CCDC90B: variants seen among roughly 807,000 people sequenced by gnomAD.
CCDC90B encodes the protein coiled-coil domain containing 90B.
Under a neutral mutation model 37.0 loss-of-function variants are expected in CCDC90B, and 24 were observed. The observed-to-expected ratio is 0.65, with a 90% confidence interval of 0.47 to 0.91. CCDC90B has a LOEUF of 0.91. Ranked by LOEUF, CCDC90B falls within the 40% of genes least tolerant of loss-of-function variation. The pLI, the probability that CCDC90B is intolerant of heterozygous loss-of-function variation, is 0.00. For missense variants in CCDC90B, 319 were observed against 299.0 expected (o/e 1.07, Z -0.49); for synonymous variants, 113 against 101.1 (o/e 1.12, Z -0.71).
In CCDC90B at chr11:83,286,131, A is replaced by T; in HGVS notation, c.-159T>A. ...GCGCAGGCGCCACCGTGGTCCCACG[A>T]AACTGGGTCTCTTCACAGACAGACC... On this transcript the variant is annotated 5_prime_UTR_variant, in exon 1 of 9. Transcript: ENST00000529689. 6.5e-7 allele frequency: 1 copy of T among 1,536,278 alleles called. No individual in the cohort carries two copies. The highest frequency in any genetic ancestry group is 8.7e-7 in the Non-Finnish European group (1 of 1,146,924).
At chr11:83,268,864 C>G (rs1322904825) in intron 7 of CCDC90B, among the ~76,000 whole-genome samples, 1 of 152,108 alleles carries the variant, frequency 6.6e-6, no homozygotes, top group East Asian at 1.9e-4. Flanking sequence ...GGAAGTAAAG[C>G]ACTTGCACTC....
At chr11:83,279,219 T>C (rs1345641205) in intron 2 of CCDC90B, among the ~76,000 whole-genome samples, 1 of 151,774 alleles carries the variant, frequency 6.6e-6, no homozygotes, top group African/African-American at 2.4e-5. Context: ...AGGCAGAGCT[T>C]GCAGTAAGCC....
chr11:83,275,410 A>C lies in CCDC90B; in HGVS notation c.325-670T>G, dbSNP rs7123150. On this transcript the variant is annotated intron_variant, in intron 3 of 8. Transcript: ENST00000529689. ...CCCTAATCCAAAAATCTGAAATCCA[A>C]AATCTGGAACTTTTTGAGTGCTGAC... 2.8e-3 allele frequency among the ~76,000 whole-genome samples: 423 copies of C among 152,258 alleles called. 3 individuals carry two copies. Among genetic ancestry groups the C allele is most frequent in the African/African-American group, 9.6e-3 (397 of 41,558 alleles).
intron 7 of CCDC90B, among the ~76,000 whole-genome samples, chr11:83,271,196 T>C (rs955357183): frequency 3.9e-5 from 6 of 152,178 alleles, no homozygotes; most frequent in African/African-American, 1.2e-4. Context: ...GGCAATTCCA[T>C]TCAGGACATA....
At chr11:83,275,868 A>C (rs991161616) in intron 3 of CCDC90B, among the ~76,000 whole-genome samples, 1 of 152,134 alleles carries the variant, frequency 6.6e-6, no homozygotes, top group African/African-American at 2.4e-5. Flanking sequence ...CAACTTAAAG[A>C]GTTGTTTTGA....
rs1435762083 is a variant in CCDC90B at position 83,273,934 on chromosome 11, A to G, written c.468+17T>C. 1.3e-6 allele frequency: 2 copies of G among 1,588,080 alleles called. No individual in the cohort carries two copies. Among genetic ancestry groups the G allele is most frequent in the Middle Eastern group, 3.4e-4 (2 of 5,928 alleles). On this transcript the variant is annotated intron_variant, in intron 5 of 8. Coordinates refer to ENST00000529689, the MANE Select transcript of CCDC90B (RefSeq NM_021825.5). ...TATTTGTTCTGAAATTAACAGCTAG[A>G]AAAAAAATTCACTTACCATTAGTTG...
intron 7 of CCDC90B, among the ~76,000 whole-genome samples, chr11:83,271,669 A>C (rs1373705433): frequency 6.6e-6 from 1 of 152,232 alleles, no homozygotes; most frequent in Non-Finnish European, 1.5e-5. Context: ...TGTTGGTGGG[A>C]GTGTAAATTC....
chr11:83,277,355 A>G (rs1865097486), intron 3 of CCDC90B, among the ~76,000 whole-genome samples: 1 of 152,206 alleles, frequency 6.6e-6, no homozygotes, highest in African/African-American at 2.4e-5. Flanking sequence ...TGGATTTAGT[A>G]GTCTGTTATG....
At chr11:83,271,661 TTGG>T (rs1276362376) in intron 7 of CCDC90B, among the ~76,000 whole-genome samples, 2 of 152,186 alleles carry the variant, frequency 1.3e-5, no homozygotes, top group African/African-American at 2.4e-5. Flanking sequence ...TTTTACACTG[TTGG>T]TGGGAGTGTA....
chr11:83,269,478 T>C (rs894803686), intron 7 of CCDC90B, among the ~76,000 whole-genome samples: 5 of 151,988 alleles, frequency 3.3e-5, no homozygotes, highest in African/African-American at 1.2e-4. Flanking sequence ...AAAGGGGATA[T>C]CACCACCGAT....
In CCDC90B at chr11:83,260,890, A is replaced by G. The variant is rs545939949; in HGVS notation, c.*1021T>C. Reference sequence around the variant, plus strand: ...TCTTGAGAGTAGGTACTAGATATCAATGTTTGCTGAATTGAAGTCATTAAG... The same window carrying G: ...TCTTGAGAGTAGGTACTAGATATCAGTGTTTGCTGAATTGAAGTCATTAAG... On this transcript the variant is annotated 3_prime_UTR_variant, in exon 9 of 9. Transcript: ENST00000529689. 5 of 152,352 alleles carry G rather than the reference A, an allele frequency of 3.3e-5. No homozygotes were observed. The highest frequency in any genetic ancestry group is 1.9e-4 in the East Asian group (1 of 5,194). The allele number at this position is 152,352 out of a possible 1,614,324, so 9.4% of individuals were successfully genotyped here.
At chr11:83,275,465 T>C (rs1864966368) in intron 3 of CCDC90B, among the ~76,000 whole-genome samples, 2 of 151,460 alleles carry the variant, frequency 1.3e-5, no homozygotes, top group Admixed American at 1.3e-4. Flanking sequence ...TGCATTGGAG[T>C]ATTTTGGATT....
chr11:83,285,969 T>C lies in CCDC90B; in HGVS notation c.4A>G (p.Asn2Asp). Residue 2 changes from asparagine (N) to aspartate (D), a missense_variant, in exon 1 of 9, where the codon AAT becomes GAT. Coordinates refer to ENST00000529689, the MANE Select transcript of CCDC90B (RefSeq NM_021825.5). MNSRQAWRLFLS... is the reference protein window; with the variant it reads MDSRQAWRLFLS... ...AAGAGCCGCCAAGCCTGGCGACTAT[T>C]CATGTCCTCAGAGTTTTCCGGTGGG... is the stretch of plus-strand genomic sequence containing the variant. 1 of 1,610,152 alleles carries C rather than the reference T, an allele frequency of 6.2e-7. No homozygotes were observed. Among genetic ancestry groups the C allele is most frequent in the Non-Finnish European group, 8.5e-7 (1 of 1,178,288 alleles).
intron 1 of CCDC90B, among the ~76,000 whole-genome samples, chr11:83,280,618 AAT>A (rs1257520463): frequency 3.3e-5 from 5 of 152,236 alleles, no homozygotes; most frequent in East Asian, 3.8e-4. Flanking sequence ...TGTGCTCAGT[AAT>A]AGTCTTTCAA....
At chr11:83,264,964 G>C (rs981716842) in intron 8 of CCDC90B, among the ~76,000 whole-genome samples, 5 of 116,082 alleles carry the variant, frequency 4.3e-5, no homozygotes, top group South Asian at 3.7e-4. Context: ...GTTGTGGGGT[G>C]GGGGGAGGGG....
At chr11:83,269,802 T>C (rs56358239) in intron 7 of CCDC90B, among the ~76,000 whole-genome samples, 3,527 of 152,268 alleles carry the variant, frequency 0.023, 82 homozygotes, top group South Asian at 0.071. Context: ...CCCTAACTCA[T>C]TTTATGAGGC....
At chr11:83,280,818 G>A (rs945838266) in intron 1 of CCDC90B, among the ~76,000 whole-genome samples, 1 of 152,158 alleles carries the variant, frequency 6.6e-6, no homozygotes, top group African/African-American at 2.4e-5. Context: ...TTTCACTACT[G>A]TATCTTTAGC....
rs1428969181 is a variant in CCDC90B, at chr11:83,269,137, C to A, written c.595-3158G>T. 3.3e-5 allele frequency among the ~76,000 whole-genome samples: 5 copies of A among 152,184 alleles called. No homozygotes were observed. In the East Asian group the frequency reaches 9.6e-4, roughly 29 times the overall value. ...ACAGTGTGTAGAGGGAAATTTATAG[C>A]ACTAAATGCCCACAAGAGAAAGCAG... On this transcript the variant is annotated intron_variant, in intron 7 of 8. Transcript: ENST00000529689.
chr11:83,269,008 A>G (rs1462199233), intron 7 of CCDC90B, among the ~76,000 whole-genome samples: 3 of 152,224 alleles, frequency 2.0e-5, no homozygotes, highest in Admixed American at 2.0e-4. Flanking sequence ...CTGCTACTGA[A>G]TGACTACTGG....
Sources: allele counts gnomAD v4.1 joint callset (sites outside exome capture counted in the v4.1 genomes callset), GRCh38; gene constraint gnomAD v4.1.1; transcripts MANE v1.5; gene names NCBI Gene and HGNC (gene_info 2026-07-23, HGNC 2026-07-21).